Variants in ZNF620 observed in about 807,000 individuals in gnomAD.
The protein encoded by ZNF620 is zinc finger protein 620.
Under a neutral mutation model 13.3 loss-of-function variants are expected in ZNF620, and 10 were observed. The ratio of observed to expected loss-of-function variants is 0.75; its 90% CI spans 0.46 to 1.28. The LOEUF (loss-of-function observed/expected upper bound fraction) is 1.28. Among genes scored for constraint, ZNF620 ranks in the 50% most tolerant of loss-of-function variants. The pLI is 0.00. For synonymous variants in ZNF620, 166 were observed against 177.6 expected, an observed-to-expected ratio of 0.93 and a Z score of 0.52; for missense variants, 461 against 500.2, an observed-to-expected ratio of 0.92 and a Z score of 0.75.
chr3:40,514,784 A>C (rs796789096), intron 4 of ZNF620, among the ~76,000 whole-genome samples: 8 of 152,260 alleles, frequency 5.3e-5, no homozygotes, highest in African/African-American at 1.9e-4. Context: ...AAATAAATAA[A>C]TACATAAAAC....
At chr3:40,508,420 A>G (rs1003465843) in intron 2 of ZNF620, among the ~76,000 whole-genome samples, 12 of 152,130 alleles carry the variant, frequency 7.9e-5, no homozygotes, top group African/African-American at 2.9e-4. Context: ...AATACTTTGT[A>G]CATTCTCTTA....
chr3:40,506,287 C>T lies in ZNF620; in HGVS notation c.-49-17C>T. On this transcript the variant is annotated splice_polypyrimidine_tract_variant and intron_variant, in intron 1 of 4. Coordinates refer to ENST00000314529, the MANE Select transcript of ZNF620 (RefSeq NM_175888.4). ...GGCAGCATCAATCTCACCGGTGCTT[C>T]TTTATTTTCTCTTCAGTTTCACTTC... 6.2e-7 allele frequency: 1 copy of T among 1,608,820 alleles called. No individual in the cohort carries two copies. The highest frequency in any genetic ancestry group is 1.1e-5 in the South Asian group (1 of 90,274).
At chr3:40,511,806 A>C (rs1317895787) in intron 3 of ZNF620, among the ~76,000 whole-genome samples, 2 of 151,640 alleles carry the variant, frequency 1.3e-5, no homozygotes, top group African/African-American at 2.4e-5. Flanking sequence ...CTCAGCCTCC[A>C]AAGTAGCTGG....
chr3:40,514,945 A>G lies in ZNF620; in HGVS notation c.266-915A>G, dbSNP rs942467878. ...TTTCTGGATGTGACCTCAGGACCCT[A>G]CGTCATCTGAGTAAAAATATTTTCT... On this transcript the variant is annotated intron_variant, in intron 4 of 4. Transcript: ENST00000314529. 2.0e-5 allele frequency among the ~76,000 whole-genome samples: 3 copies of G among 152,268 alleles called. No homozygotes were observed. In the East Asian group the frequency reaches 5.8e-4, roughly 29 times the overall value.
At chr3:40,507,239 G>C (rs1698055000) in intron 2 of ZNF620, among the ~76,000 whole-genome samples, 1 of 151,684 alleles carries the variant, frequency 6.6e-6, no homozygotes, top group Non-Finnish European at 1.5e-5. Context: ...CTACAAGCAC[G>C]CGCCACCACA....
rs1698396494 is a variant in ZNF620 at position 40,516,596 on chromosome 3, AC to A, written c.1004del (p.Pro335LeufsTer11). The A allele has an allele frequency of 1.4e-5, 23 of 1,614,028 alleles. No homozygotes were observed. The highest frequency in any genetic ancestry group is 1.9e-5 in the Non-Finnish European group (23 of 1,180,028). Reference protein sequence around the residue: ...VHQRMHTGEKPYECKECGKRL... With the variant: ...VHQRMHTGEKXYECKECGKRL... ...ATCAGCGAATGCACACTGGGGAGAAACCTTATGAATGTAAAGAGTGTGGAAA... is the reference window on the plus strand; with the variant it reads ...ATCAGCGAATGCACACTGGGGAGAAACTTATGAATGTAAAGAGTGTGGAAA... On this transcript the variant is annotated frameshift_variant, in exon 5 of 5. Transcript: ENST00000314529. LOFTEE classifies it low-confidence loss of function (END_TRUNC).
chr3:40,507,456 T>C (rs1395192495), intron 2 of ZNF620, among the ~76,000 whole-genome samples: 1 of 152,226 alleles, frequency 6.6e-6, no homozygotes, highest in Non-Finnish European at 1.5e-5. Context: ...TGCGGTGGGA[T>C]AAAACCGACT....
At chr3:40,507,403 G>A (rs1698062910) in intron 2 of ZNF620, among the ~76,000 whole-genome samples, 1 of 152,092 alleles carries the variant, frequency 6.6e-6, no homozygotes, top group South Asian at 2.1e-4. Context: ...CTTTGTTAAT[G>A]TGGTGAATTA....
In ZNF620 at chr3:40,517,922, G is replaced by A. The variant is rs1698439523; in HGVS notation, c.*1059G>A. ...TGCAAACTTCCAGAGACCTATCTCAGGTTCAGTGTCCACCCACCCTACTTA... is the reference window on the plus strand; with the variant it reads ...TGCAAACTTCCAGAGACCTATCTCAAGTTCAGTGTCCACCCACCCTACTTA... On this transcript the variant is annotated 3_prime_UTR_variant, in exon 5 of 5. Coordinates refer to ENST00000314529, the MANE Select transcript of ZNF620 (RefSeq NM_175888.4). 6.6e-6 allele frequency: 1 copy of A among 152,168 alleles called. No homozygotes were observed. Among genetic ancestry groups the A allele is most frequent in the Non-Finnish European group, 1.5e-5 (1 of 68,046 alleles). The allele number at this position is 152,168 out of a possible 1,614,324, so 9.4% of individuals were successfully genotyped here.
chr3:40,514,684 A>C (rs150831658), intron 4 of ZNF620, among the ~76,000 whole-genome samples: 40 of 152,240 alleles, frequency 2.6e-4, no homozygotes, highest in Non-Finnish European at 5.6e-4. Flanking sequence ...AAGCATGAGA[A>C]TCACTTGAAC....
intron 4 of ZNF620, among the ~76,000 whole-genome samples, chr3:40,512,943 G>A (rs1698244886): frequency 6.6e-6 from 1 of 152,048 alleles, no homozygotes; most frequent in South Asian, 2.1e-4. Context: ...CATTGTTTAA[G>A]CACTGACTTA....
Position 40,512,415 on chromosome 3 carries a change from C to A in ZNF620, c.165C>A (p.Thr55=). 6.2e-7 allele frequency: 1 copy of A among 1,614,198 alleles called. No homozygotes were observed. The highest frequency in any genetic ancestry group is 1.1e-5 in the South Asian group (1 of 91,084). Residue 55 remains threonine, a synonymous_variant, in exon 4 of 5, where the codon ACC becomes ACA. Transcript: ENST00000314529. The stretch of plus-strand genomic sequence containing the variant: ...CTCCCTGGGCAGCATTCCCATTCAC[C>A]ACGCCTGTTCTGGTCTCCCAGCTGG... ...ANVASLAFPF[T]TPVLVSQLEQ...
At position 40,513,315 on chromosome 3, in the gene ZNF620, AAATATATAT is replaced by A. The variant is rs1177402829; in HGVS notation, c.265+802_265+810del. 2.4e-4 allele frequency among the ~76,000 whole-genome samples: 19 copies of A among 79,686 alleles called. 1 individual carries two copies. Among genetic ancestry groups the A allele is most frequent in the African/African-American group, 8.5e-4 (15 of 17,552 alleles). The allele number at this position is 79,686 out of a possible 152,430, so 52.3% of individuals were successfully genotyped here. ...CCCCGTCTCAACTAAAAAAAAAAAA[AAATATATAT>A]ATATATATATATATATATATATATA... is the stretch of plus-strand genomic sequence containing the variant. On this transcript the variant is annotated intron_variant, in intron 4 of 4. Coordinates refer to ENST00000314529, the MANE Select transcript of ZNF620 (RefSeq NM_175888.4).
chr3:40,514,249 G>A (rs1698304170), intron 4 of ZNF620, among the ~76,000 whole-genome samples: 2 of 152,116 alleles, frequency 1.3e-5, no homozygotes, highest in African/African-American at 4.8e-5. Flanking sequence ...AATGATGTAA[G>A]CTGTCCCCTC....
In ZNF620 at chr3:40,511,738, A is replaced by G. The variant is rs1480598178; in HGVS notation, c.151+142A>G. The stretch of plus-strand genomic sequence containing the variant: ...CCTCTGTCGCCCAGGCTGGAGTGCA[A>G]TGGCGCAATCTCGGCTCACTACAAC... On this transcript the variant is annotated intron_variant, in intron 3 of 4. Coordinates refer to ENST00000314529, the MANE Select transcript of ZNF620 (RefSeq NM_175888.4). 26 of 1,088,840 alleles carry G rather than the reference A, an allele frequency of 2.4e-5. No homozygotes were observed. The South Asian group carries it at 4.1e-4, about 17-fold the overall frequency. 67.4% of individuals were successfully genotyped at this position (1,088,840 alleles called of 1,614,324 possible). A position where few individuals can be genotyped will look rare whatever the true frequency, so the allele number is the denominator to read the frequency against.
intron 3 of ZNF620, 75 bp from the exon 4 acceptor site, chr3:40,512,321 CAGATAA>C: frequency 1.7e-6 from 2 of 1,162,342 alleles, no homozygotes; most frequent in Non-Finnish European, 1.3e-6. Context: ...CCTGGCTCAG[CAGATAA>C]AGATAAAGGG....
intron 2 of ZNF620, among the ~76,000 whole-genome samples, chr3:40,507,594 TG>T (rs1698068915): frequency 6.6e-6 from 1 of 152,204 alleles, no homozygotes; most frequent in East Asian, 1.9e-4. Flanking sequence ...GTGATGTCTT[TG>T]TTCCATAGAA....
In ZNF620 at chr3:40,517,136, C is replaced by A. The variant is rs896242007; in HGVS notation, c.*273C>A. The A allele has an allele frequency of 1.1e-4, 31 of 277,964 alleles. No individual in the cohort carries two copies. Among genetic ancestry groups the A allele is most frequent in the African/African-American group, 5.7e-4 (26 of 45,832 alleles). The allele number at this position is 277,964 out of a possible 1,614,324, so 17.2% of individuals were successfully genotyped here. A position where few individuals can be genotyped will look rare whatever the true frequency, so the allele number is the denominator to read the frequency against. On this transcript the variant is annotated 3_prime_UTR_variant, in exon 5 of 5. Coordinates refer to ENST00000314529, the MANE Select transcript of ZNF620 (RefSeq NM_175888.4). The stretch of plus-strand genomic sequence containing the variant: ...CCCAGCAGGATGGATTCAAGGGAAA[C>A]CTACATTAAGGAAAATTGCTGTGAA...
At chr3:40,507,096 T>G (rs907371868) in intron 2 of ZNF620, among the ~76,000 whole-genome samples, 2 of 145,596 alleles carry the variant, frequency 1.4e-5, no homozygotes, top group African/African-American at 5.1e-5. Flanking sequence ...ATGGTTTTTT[T>G]TTTTTTTTTT....
Sources: gnomAD v4.1 joint callset for allele counts (sites outside exome capture counted in the v4.1 genomes callset) on GRCh38, gnomAD v4.1.1 for gene constraint, MANE v1.5 for transcripts, NCBI Gene and HGNC (gene_info 2026-07-23, HGNC 2026-07-21) for gene names.